The following CRPPA variants were observed in gnomAD, a reference collection of about 807,000 sequenced individuals.
CRPPA encodes the protein CDP-L-ribitol pyrophosphorylase A, also known as D-ribitol-5-phosphate cytidylyltransferase.
In CRPPA, 43 loss-of-function variants were observed where a neutral mutation model predicts 52.0. That is an observed-to-expected ratio of 0.83 (90% CI 0.65 to 1.07). The LOEUF is 1.07. Among genes scored for constraint, CRPPA ranks in the 50% least tolerant of loss-of-function variants. The probability of loss-of-function intolerance (pLI) is 0.00; values close to 1 mark genes in which losing one functional copy is unlikely to be tolerated. For synonymous variants in CRPPA, 250 were observed against 203.5 expected (o/e 1.23, Z -1.94); for missense variants, 629 against 551.7 (o/e 1.14, Z -1.40).
rs111426169 is a variant in CRPPA at position 16,371,970 on chromosome 7, C to T, written c.684+4122G>A. Among the ~76,000 whole-genome samples, 1,053 of 151,914 alleles carry T rather than the reference C, an allele frequency of 6.9e-3. 11 individuals carry two copies. The highest frequency in any genetic ancestry group is 0.025 in the African/African-American group (1,020 of 41,434). On this transcript the variant is annotated intron_variant, in intron 3 of 9. Transcript: ENST00000407010. ...AGACGCAGAAGAAAGAATTTCAGAG[C>T]TTGAAGACAAAGCTTTTGAATTAAC...
At chr7:16,408,858 T>C (rs1459044818) in intron 1 of CRPPA, among the ~76,000 whole-genome samples, 1 of 152,198 alleles carries the variant, frequency 6.6e-6, no homozygotes, top group African/African-American at 2.4e-5. Context: ...CAGAAGCAGA[T>C]GTCAGACTGA....
intron 6 of CRPPA, among the ~76,000 whole-genome samples, chr7:16,262,906 C>G (rs1783847770): frequency 6.6e-6 from 1 of 152,010 alleles, no homozygotes; most frequent in Non-Finnish European, 1.5e-5. Flanking sequence ...AGTGGGGCCC[C>G]TCATGTTTGT....
At chr7:16,373,000 G>A (rs10253784) in intron 3 of CRPPA, among the ~76,000 whole-genome samples, 77,149 of 152,060 alleles carry the variant, frequency 0.51, 21,390 homozygotes, top group African/African-American at 0.74. Flanking sequence ...GACCTCAATA[G>A]AGAGTGGAAA....
At chr7:16,106,281 G>A (rs1436597460) in intron 9 of CRPPA, among the ~76,000 whole-genome samples, 5 of 152,122 alleles carry the variant, frequency 3.3e-5, no homozygotes, top group African/African-American at 9.7e-5. Context: ...TGTCAACCAC[G>A]CATTTCTAAA....
intron 1 of CRPPA, among the ~76,000 whole-genome samples, chr7:16,414,190 G>C (rs1418855899): frequency 6.6e-6 from 1 of 152,134 alleles, no homozygotes; most frequent in Non-Finnish European, 1.5e-5. Context: ...AGCCCTGCCA[G>C]ACCTTGTTCA....
chr7:16,215,211 A>G (rs913987864), intron 9 of CRPPA, among the ~76,000 whole-genome samples: 1 of 152,350 alleles, frequency 6.6e-6, no homozygotes, highest in Admixed American at 6.5e-5. Flanking sequence ...TTCACTGGAC[A>G]TTCAGTACCA....
At chr7:16,403,904 A>G (rs1004088116) in intron 2 of CRPPA, among the ~76,000 whole-genome samples, 1 of 152,196 alleles carries the variant, frequency 6.6e-6, no homozygotes, top group Non-Finnish European at 1.5e-5. Flanking sequence ...GCAATGCAAA[A>G]CAATTCTTGC....
intron 9 of CRPPA, among the ~76,000 whole-genome samples, chr7:16,163,036 C>T (rs1447871310): frequency 8.9e-5 from 12 of 135,360 alleles, no homozygotes; most frequent in East Asian, 4.4e-4. Flanking sequence ...TGCAGTGGTG[C>T]GATCTCAGCT....
intron 3 of CRPPA, among the ~76,000 whole-genome samples, chr7:16,367,232 C>T (rs1382700460): frequency 6.6e-6 from 1 of 152,052 alleles, no homozygotes; most frequent in Non-Finnish European, 1.5e-5. Flanking sequence ...TCCCTGTGCC[C>T]ACTGTGCCCC....
Position 16,421,164 on chromosome 7 carries a change from G to A in CRPPA, c.159C>T (p.Ala53=). The part of the protein sequence containing the change: ...HPQAVAAVLP[A]GGCGERMGVP... ...CCCCCATCCTCTCCCCGCACCCCCCGGCAGGCAACACAGCTGCCACGGCTT... is the reference window on the plus strand; with the variant it reads ...CCCCCATCCTCTCCCCGCACCCCCCAGCAGGCAACACAGCTGCCACGGCTT... Residue 53 remains alanine (A), a synonymous_variant, in exon 1 of 10, where the codon GCC becomes GCT. Coordinates refer to ENST00000407010, the MANE Select transcript of CRPPA (RefSeq NM_001101426.4). 4.5e-6 allele frequency: 6 copies of A among 1,338,722 alleles called. No homozygotes were observed. The highest frequency in any genetic ancestry group is 1.9e-4 in the Middle Eastern group (1 of 5,140). The allele number at this position is 1,338,722 out of a possible 1,614,324, so 82.9% of individuals were successfully genotyped here. A position where few individuals can be genotyped will look rare whatever the true frequency, so the allele number is the denominator to read the frequency against.
chr7:16,262,967 A>T (rs1168290151), intron 6 of CRPPA, among the ~76,000 whole-genome samples: 1 of 152,116 alleles, frequency 6.6e-6, no homozygotes, highest in Non-Finnish European at 1.5e-5. Context: ...AGCAATGGAG[A>T]AGGAAGATTT....
intron 9 of CRPPA, among the ~76,000 whole-genome samples, chr7:16,113,088 T>C (rs1782299292): frequency 6.6e-6 from 1 of 151,818 alleles, no homozygotes; most frequent in South Asian, 2.1e-4. Flanking sequence ...GCAAGACAAG[T>C]CTCTCTCAAT....
chr7:16,207,859 A>C (rs930386258), intron 9 of CRPPA, among the ~76,000 whole-genome samples: 1 of 152,210 alleles, frequency 6.6e-6, no homozygotes, highest in African/African-American at 2.4e-5. Flanking sequence ...ATCAATATCA[A>C]TGAAGTATAT....
chr7:16,323,818 A>T (rs12699780), intron 3 of CRPPA, among the ~76,000 whole-genome samples: 25,326 of 152,156 alleles, frequency 0.17, 2,602 homozygotes, highest in South Asian at 0.42. Context: ...TCAATCTCAA[A>T]CATTGTGCAA....
chr7:16,173,544 TAATA>T (rs1314434729), intron 9 of CRPPA, among the ~76,000 whole-genome samples: 10 of 152,242 alleles, frequency 6.6e-5, no homozygotes, highest in Admixed American at 1.3e-4. Context: ...TTAGAAAAAC[TAATA>T]AATAAACCGT....
At chr7:16,418,677 A>G (rs1406619387) in intron 1 of CRPPA, among the ~76,000 whole-genome samples, 1 of 152,152 alleles carries the variant, frequency 6.6e-6, no homozygotes, top group Non-Finnish European at 1.5e-5. Context: ...AGAGACCAGC[A>G]TGGGGGAAAC....
At chr7:16,103,168 G>A (rs2128364590) in intron 9 of CRPPA, among the ~76,000 whole-genome samples, 1 of 152,232 alleles carries the variant, frequency 6.6e-6, no homozygotes, top group African/African-American at 2.4e-5. Flanking sequence ...CATGGATGAA[G>A]CTGGAAACCA....
rs913172462 is a variant in CRPPA at position 16,089,340 on chromosome 7, A to G, written c.*2355T>C. ...CGTACGTATATAAATATATGTGTGTATGCGTACGTATATACATACATACAT... is the reference window on the plus strand; with the variant it reads ...CGTACGTATATAAATATATGTGTGTGTGCGTACGTATATACATACATACAT... On this transcript the variant is annotated 3_prime_UTR_variant, in exon 10 of 10. Coordinates refer to ENST00000407010, the MANE Select transcript of CRPPA (RefSeq NM_001101426.4). 2.6e-6 allele frequency: 1 copy of G among 388,458 alleles called. No homozygotes were observed. The highest frequency in any genetic ancestry group is 5.5e-6 in the Non-Finnish European group (1 of 183,318). 24.1% of individuals were successfully genotyped at this position (388,458 alleles called of 1,614,324 possible).
chr7:16,209,296 G>A (rs1169807498), intron 9 of CRPPA: 8 of 104,188 alleles, frequency 7.7e-5, no homozygotes, highest in African/African-American at 2.1e-4. Flanking sequence ...TTTTTGAGAC[G>A]AGTCTCGCTC....
Sources: gnomAD v4.1 joint callset for allele counts (sites outside exome capture counted in the v4.1 genomes callset) on GRCh38, gnomAD v4.1.1 for gene constraint, MANE v1.5 for transcripts, NCBI Gene and HGNC (gene_info 2026-07-23, HGNC 2026-07-21) for gene names.